Variants in RANBP2 observed in about 807,000 individuals in gnomAD.
The protein encoded by RANBP2 is RAN binding protein 2, also known as E3 SUMO-protein ligase RanBP2.
A neutral mutation model predicts 303.6 loss-of-function variants in RANBP2; 57 were observed. The observed-to-expected ratio is 0.19, with a 90% CI of 0.15 to 0.23. RANBP2 has a LOEUF of 0.23. Ranked by LOEUF, RANBP2 falls within the 10% of genes least tolerant of loss-of-function variation. The pLI is 1.00. For synonymous variants in RANBP2, 1,167 were observed against 1,301.5 expected (o/e 0.90, Z 2.23); for missense variants, 3,138 against 3,780.8 (o/e 0.83, Z 4.46).
chr2:109,101,402 C>T, the RANBP2 span, among the ~76,000 whole-genome samples: 1 of 152,022 alleles, frequency 6.6e-6, no homozygotes, highest in Non-Finnish European at 1.5e-5. Flanking sequence ...TGGCGGGCAC[C>T]TGTAGTCCCA....
the RANBP2 span, among the ~76,000 whole-genome samples, chr2:109,012,818 G>A: frequency 6.6e-6 from 1 of 152,194 alleles, no homozygotes; most frequent in Non-Finnish European, 1.5e-5. Context: ...GGAGGCTGAG[G>A]CAGGAGAATG....
At chr2:108,948,706 T>C in the RANBP2 span, among the ~76,000 whole-genome samples, 1 of 151,950 alleles carries the variant, frequency 6.6e-6, no homozygotes, top group South Asian at 2.1e-4. Flanking sequence ...GAGAACAACA[T>C]GGGGAAAACT....
chr2:108,787,053 G>C (rs1027698757), downstream of RANBP2: 1 of 459,668 alleles, frequency 2.2e-6, no homozygotes, highest in Non-Finnish European at 3.6e-6. Flanking sequence ...TGCGGCTTGG[G>C]CCTCGTGGAA....
the RANBP2 span, among the ~76,000 whole-genome samples, chr2:109,185,977 C>CAA: frequency 3.3e-5 from 5 of 152,200 alleles, no homozygotes; most frequent in Non-Finnish European, 7.3e-5. Flanking sequence ...CTGGCCTTGG[C>CAA]TGTCACGAGC....
chr2:108,930,034 C>T, the RANBP2 span: 5 of 1,497,400 alleles, frequency 3.3e-6, no homozygotes, highest in Admixed American at 1.0e-4. Context: ...TCCCCTCACA[C>T]AGCAAGGCAG....
the RANBP2 span, among the ~76,000 whole-genome samples, chr2:109,087,590 G>A: frequency 1.3e-5 from 2 of 152,148 alleles, no homozygotes; most frequent in African/African-American, 4.8e-5. Context: ...ACAGTTTTGG[G>A]TTCAAGTCCT....
At chr2:108,788,337 T>G (rs1409808232), downstream of RANBP2, among the ~76,000 whole-genome samples, 1 of 147,264 alleles carries the variant, frequency 6.8e-6, no homozygotes, top group Admixed American at 6.7e-5. Flanking sequence ...GGAGAATCGG[T>G]TGAACCCGGG....
the RANBP2 span, among the ~76,000 whole-genome samples, chr2:109,175,296 A>T: frequency 6.6e-6 from 1 of 152,120 alleles, no homozygotes; most frequent in Non-Finnish European, 1.5e-5. Context: ...TAATCTTTGC[A>T]TGGTTTTATC....
At chr2:108,727,048 C>T (rs1014724196) in intron 1 of RANBP2, among the ~76,000 whole-genome samples, 12 of 152,120 alleles carry the variant, frequency 7.9e-5, no homozygotes, top group Admixed American at 2.0e-4. Context: ...TACACAGACA[C>T]GGCAACCATC....
At chr2:108,788,999 C>A, downstream of RANBP2, 2 of 1,607,512 alleles carry the variant, frequency 1.2e-6, no homozygotes, top group South Asian at 1.1e-5. Flanking sequence ...TGTTGCTACC[C>A]CCTCAGTATC....
chr2:108,881,867 GGCACGA>G, the RANBP2 span, among the ~76,000 whole-genome samples: 8 of 152,162 alleles, frequency 5.3e-5, no homozygotes, highest in African/African-American at 1.9e-4. Context: ...TTATTGGCCA[GGCACGA>G]TGGCTCACTC....
chr2:109,285,341 G>A, the RANBP2 span, among the ~76,000 whole-genome samples: 1 of 152,220 alleles, frequency 6.6e-6, no homozygotes, highest in Non-Finnish European at 1.5e-5. Context: ...GTGGGGTTAA[G>A]CCAGCTTGTG....
the RANBP2 span, among the ~76,000 whole-genome samples, chr2:109,248,896 TG>T: frequency 1.1e-4 from 5 of 47,504 alleles, no homozygotes; most frequent in Admixed American, 2.0e-4. Context: ...TTTCCTGTCC[TG>T]TCCTGTCCTG....
At chr2:109,366,009 T>C in the RANBP2 span, among the ~76,000 whole-genome samples, 1 of 152,232 alleles carries the variant, frequency 6.6e-6, no homozygotes, top group African/African-American at 2.4e-5. Flanking sequence ...TTTTCTGGCA[T>C]ATAAGACAAT....
the RANBP2 span, among the ~76,000 whole-genome samples, chr2:109,097,405 A>C: frequency 6.6e-6 from 1 of 152,128 alleles, no homozygotes; most frequent in African/African-American, 2.4e-5. Flanking sequence ...AGTAATAATA[A>C]AACTCCAGTG....
the RANBP2 span, among the ~76,000 whole-genome samples, chr2:109,069,407 G>A: frequency 1.2e-4 from 19 of 152,336 alleles, no homozygotes; most frequent in Admixed American, 3.3e-4. Flanking sequence ...CGTGTGTCTT[G>A]GAGAGCAGAA....
At chr2:109,115,425 C>T in the RANBP2 span, among the ~76,000 whole-genome samples, 1 of 152,116 alleles carries the variant, frequency 6.6e-6, no homozygotes, top group Non-Finnish European at 1.5e-5. Flanking sequence ...GGTTTAAAGT[C>T]TGTTTTATCA....
chr2:108,912,973 G>C, the RANBP2 span, among the ~76,000 whole-genome samples: 10 of 150,606 alleles, frequency 6.6e-5, no homozygotes, highest in African/African-American at 2.4e-4. Context: ...TGGTGAGACG[G>C]AGTCTTGCTC....
At chr2:108,772,196 G>A (rs1677555656) in intron 21 of RANBP2, among the ~76,000 whole-genome samples, 1 of 152,194 alleles carries the variant, frequency 6.6e-6, no homozygotes, top group African/African-American at 2.4e-5. Flanking sequence ...TTTGTATGCA[G>A]TAACAGTTTT....
Sources: gnomAD v4.1 joint callset for allele counts (sites outside exome capture counted in the v4.1 genomes callset) on GRCh38, gnomAD v4.1.1 for gene constraint, MANE v1.5 for transcripts, NCBI Gene and HGNC (gene_info 2026-07-23, HGNC 2026-07-21) for gene names.